Variants in SLC17A6 observed in about 807,000 individuals in gnomAD.
SLC17A6 encodes the protein vesicular glutamate transporter 2.
In SLC17A6, 35 loss-of-function variants were observed where a neutral mutation model predicts 67.1. That is an observed-to-expected ratio of 0.52 (90% CI 0.40 to 0.69). The LOEUF (loss-of-function observed/expected upper bound fraction) is 0.69, where lower values mean the gene tolerates loss of function less well. Among genes scored for constraint, SLC17A6 ranks in the 30% least tolerant of loss-of-function variants. The pLI, the probability that SLC17A6 is intolerant of heterozygous loss-of-function variation, is 0.00. For missense variants in SLC17A6, 588 were observed against 723.9 expected (o/e 0.81, Z 2.15); for synonymous variants, 285 against 252.3 (o/e 1.13, Z -1.23).
chr11:22,338,812 G>GGTGT (rs3047441), intron 1 of SLC17A6, among the ~76,000 whole-genome samples, 193 bp downstream of exon 1: 5,037 of 136,258 alleles, frequency 0.037, 106 homozygotes, highest in African/African-American at 0.052. Context: ...GAACCTGTCT[G>GGTGT]GTGTGTGTGT....
intron 5 of SLC17A6, chr11:22,362,296 C>T: frequency 2.6e-6 from 1 of 384,242 alleles, no homozygotes; most frequent in East Asian, 6.6e-5. Flanking sequence ...AGACCGCTGG[C>T]AGAGAAAAAC....
intron 6 of SLC17A6, among the ~76,000 whole-genome samples, chr11:22,364,867 C>T (rs1028267161): frequency 3.3e-5 from 5 of 152,100 alleles, no homozygotes; most frequent in Non-Finnish European, 4.4e-5. Flanking sequence ...AAAGGATTTA[C>T]AGCTTAGGGC....
chr11:22,363,321 A>G (rs1242247304), intron 6 of SLC17A6, among the ~76,000 whole-genome samples: 1 of 152,230 alleles, frequency 6.6e-6, no homozygotes, highest in Non-Finnish European at 1.5e-5. Context: ...CTGTAGCAGC[A>G]TATCTCAGTC....
At chr11:22,361,268 AT>A (rs1046353993) in intron 5 of SLC17A6, 8 of 236,868 alleles carry the variant, frequency 3.4e-5, no homozygotes, top group East Asian at 1.7e-4. Context: ...ACTGCAGTCC[AT>A]TTTTTTGAGA....
intron 2 of SLC17A6, 90 bp from the exon 3 acceptor site, chr11:22,343,157 G>T (rs1445919956): frequency 9.4e-7 from 1 of 1,059,642 alleles, no homozygotes; most frequent in African/African-American, 1.6e-5. Flanking sequence ...CCCAAGCCTT[G>T]GGGGCTTTTT....
At chr11:22,364,589 A>G (rs965675485) in intron 6 of SLC17A6, among the ~76,000 whole-genome samples, 4 of 152,148 alleles carry the variant, frequency 2.6e-5, no homozygotes, top group African/African-American at 9.7e-5. Context: ...GTTAAAAGGA[A>G]CACAGCTCAT....
chr11:22,343,101 A>C (rs1855836007), intron 2 of SLC17A6, 146 bp from the exon 3 acceptor site: 1 of 739,346 alleles, frequency 1.4e-6, no homozygotes, highest in Non-Finnish European at 2.4e-6. Flanking sequence ...CAATTTTGTT[A>C]GGAAACGAAA....
At chr11:22,347,447 C>T (rs894022918) in intron 3 of SLC17A6, among the ~76,000 whole-genome samples, 5 of 151,986 alleles carry the variant, frequency 3.3e-5, no homozygotes, top group Admixed American at 1.3e-4. Flanking sequence ...TCTGAAGTGC[C>T]TGGAACTAGG....
chr11:22,375,830 T>G, intron 9 of SLC17A6, 152 bp from the exon 10 acceptor site: 1 of 507,812 alleles, frequency 2.0e-6, no homozygotes, highest in Non-Finnish European at 3.5e-6. Context: ...CTAGGGTAAA[T>G]TATTATGATT....
intron 4 of SLC17A6, among the ~76,000 whole-genome samples, chr11:22,360,534 C>T (rs574152414): frequency 1.4e-5 from 2 of 139,778 alleles, no homozygotes; most frequent in East Asian, 2.7e-4. Context: ...CTTCCCCCCC[C>T]CCCAAAAAAA....
rs1855839683 is a variant in SLC17A6 at position 22,343,237 on chromosome 11, C to G, written c.340-10C>G. 2 of 1,608,758 alleles carry G rather than the reference C, an allele frequency of 1.2e-6. No homozygotes were observed. The highest frequency in any genetic ancestry group is 2.7e-5 in the African/African-American group (2 of 74,634). Reference sequence around the variant, plus strand: ...CTTTCCCTTCACACTTTTTTCCTACCCCTCCATAGAAAGCCAAATTCAACT... The same window carrying G: ...CTTTCCCTTCACACTTTTTTCCTACGCCTCCATAGAAAGCCAAATTCAACT... On this transcript the variant is annotated splice_polypyrimidine_tract_variant and intron_variant, in intron 2 of 11. Coordinates refer to ENST00000263160, the MANE Select transcript of SLC17A6 (RefSeq NM_020346.3).
intron 8 of SLC17A6, among the ~76,000 whole-genome samples, chr11:22,372,611 A>G (rs1319299084): frequency 1.3e-5 from 2 of 152,030 alleles, no homozygotes; most frequent in Non-Finnish European, 2.9e-5. Flanking sequence ...CTTTGCTGCT[A>G]TTTCTGAACA....
intron 3 of SLC17A6, among the ~76,000 whole-genome samples, chr11:22,347,244 TAA>T (rs36044887): frequency 1.3e-5 from 2 of 149,168 alleles, no homozygotes; most frequent in African/African-American, 4.9e-5. Flanking sequence ...GTTTGGGGAT[TAA>T]AAAAAAAAGC....
At position 22,376,645 on chromosome 11, in the gene SLC17A6, C is replaced by G; in HGVS notation, c.1386C>G (p.Ile462Met). ...VGTLSGMVCP[I>M]IVGAMTKNKS... ...CATTGTCAGGAATGGTTTGTCCTAT[C>G]ATTGTTGGTGCAATGACAAAGAATA... Residue 462 changes from isoleucine to methionine, a missense_variant, in exon 11 of 12, where the codon ATC (isoleucine) becomes ATG (methionine). Ile to Met is a conservative substitution (Grantham distance 10). Around this residue, in one of 4 missense-constraint regions of SLC17A6, gnomAD observed 414 missense variants for 563.4 expected, o/e 0.73. Transcript: ENST00000263160. 6.2e-7 allele frequency: 1 copy of G among 1,613,904 alleles called. No homozygotes were observed. The highest frequency in any genetic ancestry group is 8.5e-7 in the Non-Finnish European group (1 of 1,179,888).
chr11:22,362,376 C>G (rs1856062689), intron 5 of SLC17A6: 1 of 335,486 alleles, frequency 3.0e-6, no homozygotes, highest in Non-Finnish European at 5.9e-6. Context: ...GAGATACATG[C>G]TTGAGGTCGC....
chr11:22,354,392 C>T (rs1282522111), intron 3 of SLC17A6, among the ~76,000 whole-genome samples: 7 of 152,128 alleles, frequency 4.6e-5, no homozygotes, highest in Non-Finnish European at 7.3e-5. Context: ...CAATTTTATA[C>T]TCTTAAAATT....
chr11:22,341,922 T>A, intron 2 of SLC17A6, 142 bp downstream of exon 2: 2 of 1,247,760 alleles, frequency 1.6e-6, no homozygotes, highest in Non-Finnish European at 2.2e-6. Flanking sequence ...TCTGCCGTTC[T>A]AGAATGGACC....
intron 8 of SLC17A6, among the ~76,000 whole-genome samples, chr11:22,372,039 T>C (rs1856180546): frequency 1.3e-5 from 2 of 152,096 alleles, no homozygotes; most frequent in South Asian, 4.1e-4. Flanking sequence ...TACCATTAAA[T>C]GATAATGATA....
At chr11:22,371,899 G>T (rs771640044) in intron 8 of SLC17A6, among the ~76,000 whole-genome samples, 2 of 151,968 alleles carry the variant, frequency 1.3e-5, no homozygotes, top group Non-Finnish European at 2.9e-5. Flanking sequence ...TAGGGAATTT[G>T]CTTTGGGTCT....
Sources: allele counts gnomAD v4.1 joint callset (sites outside exome capture counted in the v4.1 genomes callset), GRCh38; gene constraint gnomAD v4.1.1; regional missense constraint gnomAD v4.1.1; transcripts MANE v1.5; gene names NCBI Gene and HGNC (gene_info 2026-07-23, HGNC 2026-07-21).